The following LMNTD1 variants were observed in gnomAD, a reference collection of about 807,000 sequenced individuals.
LMNTD1 encodes lamin tail domain-containing protein 1.
Under a neutral mutation model 50.9 loss-of-function variants are expected in LMNTD1, and 35 were observed. That is an observed-to-expected ratio of 0.69 (90% confidence interval 0.53 to 0.91). The LOEUF (loss-of-function observed/expected upper bound fraction) is 0.91. Ranked by LOEUF, LMNTD1 falls within the 40% of genes least tolerant of loss-of-function variation. The pLI is 0.00. For missense variants in LMNTD1, 470 were observed against 475.5 expected (o/e 0.99, Z 0.11); for synonymous variants, 153 against 161.9 (o/e 0.94, Z 0.42).
chr12:25,574,016 C>T (rs935354618), intron 1 of LMNTD1, among the ~76,000 whole-genome samples: 1 of 152,150 alleles, frequency 6.6e-6, no homozygotes, highest in African/African-American at 2.4e-5. Flanking sequence ...AGCCTTTTCT[C>T]AACTAGCACA....
Position 25,519,586 on chromosome 12 carries a change from T to TTAAAAAAAAAAAAAAAAAAA in LMNTD1, c.1016+271_1016+272insTTTTTTTTTTTTTTTTTTTA, listed in dbSNP as rs781742784. Among the ~76,000 whole-genome samples the TTAAAAAAAAAAAAAAAAAAA allele has an allele frequency of 8.0e-4, 60 of 74,932 alleles. 5 individuals are homozygous for TTAAAAAAAAAAAAAAAAAAA. Among genetic ancestry groups the TTAAAAAAAAAAAAAAAAAAA allele is most frequent in the Non-Finnish European group, 8.4e-4 (36 of 43,074 alleles). 49.2% of individuals were successfully genotyped at this position (74,932 alleles called of 152,430 possible). ...CTGGGTGACAGAGCGAGACTCTGTC[T>TTAAAAAAAAAAAAAAAAAAA]CAAAAAAAAAAAAAAAAAAAAAGTG... On this transcript the variant is annotated intron_variant, in intron 7 of 9. Transcript: ENST00000458174.
intron 1 of LMNTD1, among the ~76,000 whole-genome samples, chr12:25,614,715 GA>G (rs1946316618): frequency 6.6e-6 from 1 of 152,166 alleles, no homozygotes; most frequent in African/African-American, 2.4e-5. Context: ...GGCAAATAGG[GA>G]AAGTGGCTAT....
chr12:25,639,320 C>T (rs1266943699), intron 1 of LMNTD1, among the ~76,000 whole-genome samples: 1 of 152,086 alleles, frequency 6.6e-6, no homozygotes, highest in Non-Finnish European at 1.5e-5. Context: ...ATAAATTTGA[C>T]TTCATCAAAA....
intron 9 of LMNTD1, among the ~76,000 whole-genome samples, chr12:25,477,311 A>G (rs1270844135): frequency 1.3e-5 from 2 of 152,152 alleles, no homozygotes; most frequent in Admixed American, 6.6e-5. Flanking sequence ...CAGGGGAAAA[A>G]GGCGACAGAG....
At chr12:25,566,478 G>A (rs1236109077) in intron 1 of LMNTD1, among the ~76,000 whole-genome samples, 3 of 152,196 alleles carry the variant, frequency 2.0e-5, no homozygotes, top group Non-Finnish European at 4.4e-5. Context: ...TATGTACCCA[G>A]TAGTGGAATT....
intron 1 of LMNTD1, among the ~76,000 whole-genome samples, chr12:25,603,758 A>C (rs1453546036): frequency 6.6e-6 from 1 of 152,054 alleles, no homozygotes; most frequent in South Asian, 2.1e-4. Flanking sequence ...AAAATGCATA[A>C]ATGAAGTCTG....
chr12:25,634,082 A>G (rs1361054985), intron 1 of LMNTD1, among the ~76,000 whole-genome samples: 1 of 152,228 alleles, frequency 6.6e-6, no homozygotes, highest in Non-Finnish European at 1.5e-5. Flanking sequence ...GAACACCCAG[A>G]AGAGAAGGAT....
At chr12:25,633,577 A>G (rs560115045) in intron 1 of LMNTD1, among the ~76,000 whole-genome samples, 3 of 152,228 alleles carry the variant, frequency 2.0e-5, no homozygotes, top group Non-Finnish European at 4.4e-5. Context: ...CTGAATGAGC[A>G]TTGGGTCAAA....
intron 9 of LMNTD1, among the ~76,000 whole-genome samples, chr12:25,487,536 G>A (rs1253404960): frequency 1.5e-4 from 21 of 142,582 alleles, no homozygotes; most frequent in Admixed American, 7.5e-4. Context: ...GTCTCTGCAC[G>A]TGAGATGGGT....
At chr12:25,563,940 A>C (rs1443688556) in intron 1 of LMNTD1, among the ~76,000 whole-genome samples, 1 of 152,168 alleles carries the variant, frequency 6.6e-6, no homozygotes, top group Non-Finnish European at 1.5e-5. Context: ...GGGACCCTCC[A>C]AGCCATGCGT....
At chr12:25,525,489 A>C (rs1042139157) in intron 6 of LMNTD1, among the ~76,000 whole-genome samples, 1 of 152,184 alleles carries the variant, frequency 6.6e-6, no homozygotes, top group African/African-American at 2.4e-5. Flanking sequence ...TACCTTCCTT[A>C]TCCCACTCTT....
At chr12:25,518,243 C>A (rs1940954583) in intron 8 of LMNTD1, among the ~76,000 whole-genome samples, 1 of 152,096 alleles carries the variant, frequency 6.6e-6, no homozygotes, top group Non-Finnish European at 1.5e-5. Context: ...TGGACTCTCT[C>A]CCCAGAAAAA....
chr12:25,599,858 A>G (rs911798828), intron 1 of LMNTD1, among the ~76,000 whole-genome samples: 3 of 152,160 alleles, frequency 2.0e-5, no homozygotes, highest in Admixed American at 2.0e-4. Flanking sequence ...AATATAGTTA[A>G]AATGTCCATA....
chr12:25,595,587 G>A (rs1945826150), intron 1 of LMNTD1, among the ~76,000 whole-genome samples: 1 of 152,028 alleles, frequency 6.6e-6, no homozygotes, highest in African/African-American at 2.4e-5. Flanking sequence ...GGCAGTGCTA[G>A]GAGGAAAGTT....
chr12:25,515,036 C>T (rs557604643), intron 8 of LMNTD1, among the ~76,000 whole-genome samples: 2 of 152,168 alleles, frequency 1.3e-5, no homozygotes, highest in Admixed American at 1.3e-4. Flanking sequence ...TACCATACAA[C>T]TGAATAAGTA....
chr12:25,483,340 C>T (rs1938507253), intron 9 of LMNTD1, among the ~76,000 whole-genome samples: 1 of 150,956 alleles, frequency 6.6e-6, no homozygotes, highest in African/African-American at 2.4e-5. Flanking sequence ...GGGAGGATTG[C>T]TTGAGTTCAG....
intron 1 of LMNTD1, among the ~76,000 whole-genome samples, chr12:25,626,713 A>G (rs1198449118): frequency 1.3e-5 from 2 of 152,168 alleles, no homozygotes; most frequent in Middle Eastern, 3.2e-3. Context: ...TGTTTCACCT[A>G]CTACTTCTAC....
chr12:25,557,356 C>T (rs182529044), upstream of LMNTD1: 1 of 152,212 alleles, frequency 6.6e-6, no homozygotes, highest in Admixed American at 6.5e-5. Flanking sequence ...ATGGAGCTTC[C>T]CAATCACAAA....
At chr12:25,524,286 A>G (rs1941553811) in intron 6 of LMNTD1, among the ~76,000 whole-genome samples, 1 of 152,176 alleles carries the variant, frequency 6.6e-6, no homozygotes, top group Non-Finnish European at 1.5e-5. Flanking sequence ...AGTGTGCAAT[A>G]TTTATGTTCT....
Sources: gnomAD v4.1 joint callset for allele counts (sites outside exome capture counted in the v4.1 genomes callset) on GRCh38, gnomAD v4.1.1 for gene constraint, MANE v1.5 for transcripts, NCBI Gene and HGNC (gene_info 2026-07-23, HGNC 2026-07-21) for gene names.